Variants in ADK observed in about 807,000 individuals in gnomAD.
ADK encodes the protein adenosine kinase, also known as N6,N6-dimethyladenosine kinase.
In ADK, 24 loss-of-function variants were observed where a neutral mutation model predicts 44.7. The observed-to-expected ratio is 0.54, with a 90% CI of 0.39 to 0.76. The LOEUF (loss-of-function observed/expected upper bound fraction) is 0.76. ADK is among the 30% of genes least tolerant of loss of function. The pLI is 0.00. For missense variants in ADK, 321 were observed against 425.1 expected (o/e 0.76, Z 2.15); for synonymous variants, 128 against 142.6 (o/e 0.90, Z 0.73).
chr10:74,536,956 T>A (rs1246198191), intron 7 of ADK, among the ~76,000 whole-genome samples: 1 of 152,244 alleles, frequency 6.6e-6, no homozygotes, highest in Non-Finnish European at 1.5e-5. Context: ...CTACTGTGAA[T>A]GTTAATGAAC....
chr10:74,349,517 A>C (rs1316994718), intron 4 of ADK, among the ~76,000 whole-genome samples: 8 of 152,198 alleles, frequency 5.3e-5, no homozygotes, highest in Admixed American at 5.2e-4. Flanking sequence ...TAGTGTGTAA[A>C]ATAACCTGCT....
At chr10:74,495,137 GA>G in intron 6 of ADK, among the ~76,000 whole-genome samples, 1 of 151,842 alleles carries the variant, frequency 6.6e-6, no homozygotes, top group Non-Finnish European at 1.5e-5. Flanking sequence ...AAAGTTTCAT[GA>G]TAAATAATAA....
intron 6 of ADK, among the ~76,000 whole-genome samples, chr10:74,408,154 A>AT (rs146437712): frequency 0.042 from 4,321 of 103,870 alleles, 160 homozygotes; most frequent in African/African-American, 0.12. Context: ...TGAGTTTTGT[A>AT]TTTTTTTTTT....
chr10:74,530,441 A>G (rs1849236406), intron 7 of ADK: 1 of 152,174 alleles, frequency 6.6e-6, no homozygotes, highest in South Asian at 2.1e-4. Context: ...CTCTTGTCAG[A>G]GGATTGTACA....
chr10:74,258,776 TATA>T (rs1207770466), intron 3 of ADK, among the ~76,000 whole-genome samples: 1 of 152,160 alleles, frequency 6.6e-6, no homozygotes, highest in Non-Finnish European at 1.5e-5. Flanking sequence ...GCTGTGATTA[TATA>T]ATATCTTTAG....
chr10:74,400,761 A>G (rs991088675), intron 6 of ADK, among the ~76,000 whole-genome samples: 4 of 152,224 alleles, frequency 2.6e-5, no homozygotes, highest in African/African-American at 9.6e-5. Context: ...CAGTTTATCT[A>G]TTCAACAAAT....
At chr10:74,486,928 T>C (rs1408305278) in intron 6 of ADK, among the ~76,000 whole-genome samples, 2 of 152,166 alleles carry the variant, frequency 1.3e-5, no homozygotes, top group Admixed American at 6.5e-5. Context: ...ATGTGTACTA[T>C]TTGTTATATT....
intron 9 of ADK, among the ~76,000 whole-genome samples, chr10:74,602,766 TA>T (rs759009228): frequency 1.3e-5 from 2 of 152,216 alleles, no homozygotes; most frequent in Non-Finnish European, 2.9e-5. Flanking sequence ...GCAAACATGA[TA>T]AATGTTAATG....
At chr10:74,356,545 G>A (rs1173366602) in intron 4 of ADK, among the ~76,000 whole-genome samples, 1 of 152,216 alleles carries the variant, frequency 6.6e-6, no homozygotes, top group East Asian at 1.9e-4. Flanking sequence ...TTATAAATTG[G>A]ATGGTATGTT....
intron 1 of ADK, among the ~76,000 whole-genome samples, chr10:74,167,757 A>G (rs1386972757): frequency 6.6e-6 from 1 of 152,230 alleles, no homozygotes; most frequent in African/African-American, 2.4e-5. Context: ...AGAAGGGAAC[A>G]TAGACTTCTT....
chr10:74,580,692 C>G (rs1564803428), intron 7 of ADK, among the ~76,000 whole-genome samples: 1 of 152,074 alleles, frequency 6.6e-6, no homozygotes, highest in Non-Finnish European at 1.5e-5. Context: ...GCTTCCCCAG[C>G]CACATGGAAC....
rs150799515 is a variant in ADK, at chr10:74,514,092, G to A, written c.556-11164G>A. On this transcript the variant is annotated intron_variant, in intron 6 of 10. Transcript: ENST00000539909. ...TTAGCTTTGCTGGGCGTATTCTTGG[G>A]CTAATAATTTTTTTCTTCTAGTACT... Among the ~76,000 whole-genome samples, 47 of 152,236 alleles carry A rather than the reference G, an allele frequency of 3.1e-4. No homozygotes were observed. In the East Asian group the frequency reaches 7.5e-3, roughly 24 times the overall value.
intron 6 of ADK, among the ~76,000 whole-genome samples, chr10:74,416,755 C>A (rs1047489679): frequency 3.3e-5 from 5 of 151,684 alleles, no homozygotes; most frequent in African/African-American, 1.2e-4. Flanking sequence ...TGTCTTCATT[C>A]TATAAGTAAC....
chr10:74,279,625 A>G (rs1341203466), intron 3 of ADK, among the ~76,000 whole-genome samples: 1 of 152,020 alleles, frequency 6.6e-6, no homozygotes, highest in Non-Finnish European at 1.5e-5. Flanking sequence ...AGCCTCACCA[A>G]CAGAATTGCC....
At chr10:74,381,894 C>T (rs2132007494) in intron 4 of ADK, among the ~76,000 whole-genome samples, 1 of 152,134 alleles carries the variant, frequency 6.6e-6, no homozygotes, top group South Asian at 2.1e-4. Context: ...ATGTTTACTG[C>T]CTTGAGGGAT....
intron 6 of ADK, among the ~76,000 whole-genome samples, chr10:74,458,047 A>G (rs1846019704): frequency 6.6e-6 from 1 of 151,990 alleles, no homozygotes; most frequent in Admixed American, 6.6e-5. Flanking sequence ...TTAAAAAGAA[A>G]AAGATTGGGT....
intron 3 of ADK, among the ~76,000 whole-genome samples, chr10:74,238,738 C>CAAATAA (rs1845073690): frequency 6.6e-6 from 1 of 151,742 alleles, no homozygotes; most frequent in Non-Finnish European, 1.5e-5. Flanking sequence ...TTATTCTAAG[C>CAAATAA]AACCCAGCAG....
intron 1 of ADK, among the ~76,000 whole-genome samples, chr10:74,153,862 G>T (rs1332219792): frequency 6.6e-6 from 1 of 152,180 alleles, no homozygotes; most frequent in African/African-American, 2.4e-5. Flanking sequence ...GCCTTCCAAG[G>T]CTTGTTGAGC....
intron 1 of ADK, among the ~76,000 whole-genome samples, chr10:74,196,471 C>T (rs937089917): frequency 3.3e-5 from 5 of 151,980 alleles, no homozygotes; most frequent in Non-Finnish European, 7.4e-5. Context: ...ACCTGGGAGG[C>T]GGAGTTTGCA....
Sources: allele counts gnomAD v4.1 joint callset (sites outside exome capture counted in the v4.1 genomes callset), GRCh38; gene constraint gnomAD v4.1.1; transcripts MANE v1.5; gene names NCBI Gene and HGNC (gene_info 2026-07-23, HGNC 2026-07-21).